GKAP1: variants seen among roughly 807,000 people sequenced by gnomAD.
GKAP1 encodes G kinase anchoring protein 1.
In GKAP1, 31 loss-of-function variants were observed where a neutral mutation model predicts 56.7. The ratio of observed to expected loss-of-function variants is 0.55; its 90% CI spans 0.41 to 0.74. The LOEUF is 0.74. Among genes scored for constraint, GKAP1 ranks in the 30% least tolerant of loss-of-function variants. The pLI is 0.00. For missense variants in GKAP1, 364 were observed against 402.3 expected (o/e 0.90, Z 0.82); for synonymous variants, 151 against 138.6 (o/e 1.09, Z -0.63).
At chr9:83,752,710 G>T (rs1017049445) in intron 9 of GKAP1, among the ~76,000 whole-genome samples, 20 of 152,078 alleles carry the variant, frequency 1.3e-4, no homozygotes, top group South Asian at 2.1e-4. Flanking sequence ...TATGTTATAT[G>T]TATTTTACAA....
intron 3 of GKAP1, among the ~76,000 whole-genome samples, chr9:83,802,038 C>T (rs185101639): frequency 6.6e-6 from 1 of 152,234 alleles, no homozygotes; most frequent in Admixed American, 6.5e-5. Context: ...TCCTTATATA[C>T]CCAACGGCTC....
At chr9:83,766,678 A>C (rs1048435252) in intron 8 of GKAP1, among the ~76,000 whole-genome samples, 2 of 152,224 alleles carry the variant, frequency 1.3e-5, no homozygotes, top group Non-Finnish European at 2.9e-5. Context: ...GAAAAGATGG[A>C]AACAGATGGG....
intron 12 of GKAP1, 91 bp from the exon 13 acceptor site, chr9:83,739,835 G>A: frequency 2.0e-6 from 2 of 996,150 alleles, no homozygotes; most frequent in Non-Finnish European, 3.0e-6. Context: ...AGGCATCTTG[G>A]GGTATGAGAA....
At chr9:83,767,362 TA>T (rs1338734645) in intron 8 of GKAP1, among the ~76,000 whole-genome samples, 2 of 151,326 alleles carry the variant, frequency 1.3e-5, no homozygotes, top group African/African-American at 2.4e-5. Context: ...CTCTGTCACA[TA>T]TTTTTTTTTT....
chr9:83,768,187 C>T (rs1943695418), intron 8 of GKAP1, among the ~76,000 whole-genome samples: 1 of 152,158 alleles, frequency 6.6e-6, no homozygotes, highest in Non-Finnish European at 1.5e-5. Flanking sequence ...TGTCATCCCA[C>T]ACTTGCTTAA....
At chr9:83,773,110 C>T (rs918883330) in intron 7 of GKAP1, among the ~76,000 whole-genome samples, 15 of 152,168 alleles carry the variant, frequency 9.9e-5, no homozygotes, top group African/African-American at 3.6e-4. Context: ...CATATCCACA[C>T]AAAGACATAC....
rs905728004 is a variant in GKAP1 at position 83,792,579 on chromosome 9, C to T, written c.361-3901G>A. 3.2e-4 allele frequency among the ~76,000 whole-genome samples: 49 copies of T among 151,972 alleles called. 1 individual carries two copies. Among genetic ancestry groups the T allele is most frequent in the Non-Finnish European group, 2.9e-5 (2 of 67,992 alleles). On this transcript the variant is annotated intron_variant, in intron 4 of 12. Transcript: ENST00000376371. The stretch of plus-strand genomic sequence containing the variant: ...AAAGAATCAAAGATAAGGTTTTTGA[C>T]CTTAGATAACAGGGAGAATGGTAGC...
chr9:83,798,695 T>C (rs1049543555), intron 4 of GKAP1, among the ~76,000 whole-genome samples: 2 of 152,088 alleles, frequency 1.3e-5, no homozygotes, highest in African/African-American at 4.8e-5. Flanking sequence ...TCTGTTTTTT[T>C]TGTAGACAAA....
At chr9:83,813,133 A>G (rs1209551896) in intron 2 of GKAP1, among the ~76,000 whole-genome samples, 1 of 152,198 alleles carries the variant, frequency 6.6e-6, no homozygotes, top group African/African-American at 2.4e-5. Context: ...CATCTAAGAG[A>G]TGTTAGGATA....
chr9:83,815,878 T>A (rs1944577922), intron 2 of GKAP1, among the ~76,000 whole-genome samples: 2 of 152,028 alleles, frequency 1.3e-5, no homozygotes, highest in Admixed American at 6.6e-5. Flanking sequence ...TATCTTTCAC[T>A]TTGGCTTCTT....
At chr9:83,782,879 G>C (rs1761431865) in intron 6 of GKAP1, among the ~76,000 whole-genome samples, 1 of 152,050 alleles carries the variant, frequency 6.6e-6, no homozygotes, top group Non-Finnish European at 1.5e-5. Context: ...ATGTTGGCCA[G>C]GCTGGGCTCG....
intron 8 of GKAP1, among the ~76,000 whole-genome samples, chr9:83,760,216 G>A (rs1437553361): frequency 1.3e-5 from 2 of 152,158 alleles, no homozygotes; most frequent in Non-Finnish European, 2.9e-5. Context: ...AGCAGGAGTA[G>A]CTATATTAAT....
chr9:83,796,702 G>T (rs1463299530), intron 4 of GKAP1, among the ~76,000 whole-genome samples: 1 of 151,628 alleles, frequency 6.6e-6, no homozygotes. Flanking sequence ...CCCGACCTCA[G>T]CTGATCCGCC....
chr9:83,741,972 C>T lies in GKAP1; in HGVS notation c.1033G>A (p.Ala345Thr). ...QERSKVKVLQ[A>T]ELAKYQGGRK... Reference sequence around the variant, plus strand: ...CATACCTGGTATTTGGCTAACTCTGCTTGTAATACTTTCACTTTAGATCTT... The same window carrying T: ...CATACCTGGTATTTGGCTAACTCTGTTTGTAATACTTTCACTTTAGATCTT... The change falls in exon 12 of 13, where the codon GCA (alanine) becomes ACA (threonine). Residue 345 changes from alanine to threonine, a missense_variant. By Grantham distance (58) the Ala-to-Thr change is moderately conservative. Transcript: ENST00000376371. The T allele has an allele frequency of 1.9e-6, 3 of 1,592,136 alleles. No individual in the cohort carries two copies. The highest frequency in any genetic ancestry group is 2.6e-6 in the Non-Finnish European group (3 of 1,169,874).
rs757456698 is a variant in GKAP1, at chr9:83,768,842, A to G, written c.714T>C (p.Asn238=). Residue 238 remains asparagine, a synonymous_variant, in exon 8 of 13, where the codon AAT becomes AAC. Coordinates refer to ENST00000376371, the MANE Select transcript of GKAP1 (RefSeq NM_025211.4). ...EQLTEYNGTD[N]CTAHEHNQEV... The stretch of plus-strand genomic sequence containing the variant: ...CCTGGTTGTGTTCATGAGCTGTACA[A>G]TTATCTGTTCCATTATATTCTGTAA... 5.0e-6 allele frequency: 8 copies of G among 1,612,366 alleles called. No individual in the cohort carries two copies. The highest frequency in any genetic ancestry group is 3.5e-4 in the Middle Eastern group (2 of 5,744).
intron 4 of GKAP1, among the ~76,000 whole-genome samples, chr9:83,789,465 G>T (rs1420760654): frequency 1.3e-5 from 2 of 152,062 alleles, no homozygotes; most frequent in African/African-American, 4.8e-5. Context: ...ACATGACATG[G>T]GTAAACATCC....
At chr9:83,750,271 A>T (rs767976365) in intron 9 of GKAP1, among the ~76,000 whole-genome samples, 34 of 152,228 alleles carry the variant, frequency 2.2e-4, no homozygotes, top group Non-Finnish European at 4.3e-4. Context: ...GCACATATGA[A>T]ATACATAACA....
rs1377748228 is a variant in GKAP1 at position 83,806,477 on chromosome 9, G to C, written c.41C>G (p.Ser14Cys). The change falls in exon 3 of 13, where the codon TCT (serine) becomes TGT (cysteine). Residue 14 changes from serine to cysteine, a missense_variant. Transcript: ENST00000376371. ...ATCCACTTGTAACAGGGCAAAACGAGAAGCGGTGGTGGGAACAGAACTAAG... is the reference window on the plus strand; with the variant it reads ...ATCCACTTGTAACAGGGCAAAACGACAAGCGGTGGTGGGAACAGAACTAAG... ...AVLSSVPTTA[S>C]RFALLQVDSG... The C allele has an allele frequency of 3.7e-6, 6 of 1,614,136 alleles. No homozygotes were observed. Among genetic ancestry groups the C allele is most frequent in the Non-Finnish European group, 4.2e-6 (5 of 1,180,002 alleles).
intron 10 of GKAP1, among the ~76,000 whole-genome samples, chr9:83,747,030 A>G (rs780598252): frequency 2.6e-5 from 4 of 152,218 alleles, no homozygotes; most frequent in Non-Finnish European, 5.9e-5. Flanking sequence ...TTGGAGTTTC[A>G]TTAGCATTTA....
Sources: allele counts gnomAD v4.1 joint callset (sites outside exome capture counted in the v4.1 genomes callset), GRCh38; gene constraint gnomAD v4.1.1; transcripts MANE v1.5; gene names NCBI Gene and HGNC (gene_info 2026-07-23, HGNC 2026-07-21).